ASAP2: variants seen among roughly 807,000 people sequenced by gnomAD.
ASAP2 encodes ArfGAP with SH3 domain, ankyrin repeat and PH domain 2.
A neutral mutation model predicts 131.4 loss-of-function variants in ASAP2; 45 were observed. The observed-to-expected ratio is 0.34, with a 90% CI of 0.27 to 0.44. ASAP2 has a LOEUF of 0.44. Among genes scored for constraint, ASAP2 ranks in the 20% least tolerant of loss-of-function variants. The probability of loss-of-function intolerance (pLI) is 1.00; values close to 1 mark genes in which losing one functional copy is unlikely to be tolerated. For synonymous variants in ASAP2, 510 were observed against 503.0 expected, an observed-to-expected ratio of 1.01 and a Z score of -0.19; for missense variants, 1,011 against 1,297.0, an observed-to-expected ratio of 0.78 and a Z score of 3.39.
At chr2:9,242,483 G>A (rs958359077) in intron 1 of ASAP2, among the ~76,000 whole-genome samples, 1 of 152,268 alleles carries the variant, frequency 6.6e-6, no homozygotes, top group Non-Finnish European at 1.5e-5. Context: ...TACTCTAGCT[G>A]CTGTGTCTAG....
intron 2 of ASAP2, among the ~76,000 whole-genome samples, chr2:9,284,508 C>A (rs1667341672): frequency 6.6e-6 from 1 of 152,158 alleles, no homozygotes; most frequent in South Asian, 2.1e-4. Flanking sequence ...ACTCAAAAAG[C>A]CTGTGACATT....
At chr2:9,241,463 G>A (rs1325668604) in intron 1 of ASAP2, among the ~76,000 whole-genome samples, 1 of 152,170 alleles carries the variant, frequency 6.6e-6, no homozygotes, top group East Asian at 1.9e-4. Context: ...AACTGGCTGG[G>A]TGTGGTGGCT....
chr2:9,392,210 A>G lies in ASAP2; in HGVS notation c.2518+1014A>G, dbSNP rs1675784264. On this transcript the variant is annotated intron_variant, in intron 23 of 27. Transcript: ENST00000281419. This position sits in a 1 kb window ranked among gnomAD's most constrained non-coding sequence, Gnocchi z 4.0. ...TTGAAAGTCCTGAAAACCTTGGGTA[A>G]AGAAGCGGGAGGAGGTTTTTAGGAA... Among the ~76,000 whole-genome samples the G allele has an allele frequency of 6.6e-6, 1 of 152,180 alleles. No homozygotes were observed. Among genetic ancestry groups the G allele is most frequent in the Admixed American group, 6.5e-5 (1 of 15,282 alleles).
intron 7 of ASAP2, among the ~76,000 whole-genome samples, chr2:9,332,358 T>C (rs1046644123): frequency 1.1e-4 from 16 of 152,190 alleles, no homozygotes; most frequent in Non-Finnish European, 1.5e-5. Context: ...AAGGGGCGTC[T>C]GGGTGCCAAG....
chr2:9,258,338 T>TG lies in ASAP2; in HGVS notation c.127-20979_127-20978insG, dbSNP rs1242911882. Reference sequence around the variant, plus strand: ...GTATTGATAGTAATCAGTAGTTGTTTTTTTTTTTTTTTTTTGAGACTTTTG... The same window carrying TG: ...GTATTGATAGTAATCAGTAGTTGTTTGTTTTTTTTTTTTTTTGAGACTTTTG... On this transcript the variant is annotated intron_variant, in intron 1 of 27. Transcript: ENST00000281419. 8.6e-5 allele frequency among the ~76,000 whole-genome samples: 13 copies of TG among 151,032 alleles called. 1 individual carries two copies. Among genetic ancestry groups the TG allele is most frequent in the African/African-American group, 2.9e-4 (12 of 41,190 alleles).
chr2:9,315,893 G>T (rs1159526563), intron 3 of ASAP2, among the ~76,000 whole-genome samples: 1 of 152,124 alleles, frequency 6.6e-6, no homozygotes, highest in Admixed American at 6.5e-5. Context: ...TAATCCTAGG[G>T]CAAAAGTTCC....
chr2:9,286,233 C>CA (rs1344258165), intron 2 of ASAP2, among the ~76,000 whole-genome samples: 1 of 151,698 alleles, frequency 6.6e-6, no homozygotes, highest in African/African-American at 2.4e-5. Flanking sequence ...CCTGCCTCTA[C>CA]AAAAAAATAC....
intron 15 of ASAP2, among the ~76,000 whole-genome samples, chr2:9,366,569 A>C (rs187499798): frequency 2.6e-5 from 4 of 152,148 alleles, no homozygotes; most frequent in African/African-American, 9.7e-5. Context: ...TTCCTGGTGC[A>C]TAGGTACCTG....
At position 9,356,183 on chromosome 2, in the gene ASAP2, A is replaced by T. The variant is rs1672688834; in HGVS notation, c.1165A>T (p.Met389Leu). The change falls in exon 14 of 28, where the codon ATG (methionine) becomes TTG (leucine). Residue 389 changes from methionine (M) to leucine (L), a missense_variant. Physicochemically the swap from Met to Leu is conservative, Grantham distance 15. Around this residue, in one of 2 missense-constraint regions of ASAP2, gnomAD observed 359 missense variants for 598.1 expected, o/e 0.60. Coordinates refer to ENST00000281419, the MANE Select transcript of ASAP2 (RefSeq NM_003887.3). ...AEDEQECQIWMSVLQNSKEEA... is the reference protein window; with the variant it reads ...AEDEQECQIWLSVLQNSKEEA... ...GCGTTGCTCTTGTTTTTCTAGATGG[A>T]TGTCTGTGCTGCAAAATAGCAAAGA... 1 of 1,614,040 alleles carries T rather than the reference A, an allele frequency of 6.2e-7. No individual in the cohort carries two copies. The highest frequency in any genetic ancestry group is 1.3e-5 in the African/African-American group (1 of 75,052).
chr2:9,368,369 T>C, intron 15 of ASAP2, 56 bp from the exon 16 acceptor site: 1 of 1,441,486 alleles, frequency 6.9e-7, no homozygotes. Context: ...GGGTAATGTG[T>C]AGCAGTAGAA....
chr2:9,395,757 A>G (rs1285979472), intron 24 of ASAP2, among the ~76,000 whole-genome samples: 3 of 150,004 alleles, frequency 2.0e-5, no homozygotes, highest in South Asian at 2.1e-4. Flanking sequence ...ACAGGTGCCC[A>G]CCACCACGCC....
At chr2:9,384,955 C>G (rs1218863755) in intron 20 of ASAP2, among the ~76,000 whole-genome samples, 2 of 152,250 alleles carry the variant, frequency 1.3e-5, no homozygotes, top group Non-Finnish European at 2.9e-5. Flanking sequence ...GAGGCCTTAA[C>G]ACTCCATGTT....
chr2:9,388,531 C>G lies in ASAP2; in HGVS notation c.2368C>G (p.Arg790Gly), dbSNP rs573529193. ...STTSAPPLPPRNVGKVQTASS... is the reference protein window; with the variant it reads ...STTSAPPLPPGNVGKVQTASS... ...CACCAGCGCCCCCCCGCTTCCTCCACGGAATGTTGGCAAAGGTATGAAGCT... is the reference window on the plus strand; with the variant it reads ...CACCAGCGCCCCCCCGCTTCCTCCAGGGAATGTTGGCAAAGGTATGAAGCT... Residue 790 changes from arginine (R) to glycine (G), a missense_variant, in exon 22 of 28, where the codon CGG (arginine) becomes GGG (glycine). Transcript: ENST00000281419. 6.2e-7 allele frequency: 1 copy of G among 1,613,036 alleles called. No homozygotes were observed. Among genetic ancestry groups the G allele is most frequent in the East Asian group, 2.2e-5 (1 of 44,862 alleles).
At chr2:9,320,266 A>G (rs1200053372) in intron 4 of ASAP2, 22 bp from the exon 5 acceptor site, 1 of 1,599,472 alleles carries the variant, frequency 6.3e-7, no homozygotes, top group Admixed American at 1.7e-5. Context: ...GTCTTGCCTA[A>G]TTTATTATTC....
intron 1 of ASAP2, among the ~76,000 whole-genome samples, chr2:9,260,263 G>A (rs141420711): frequency 3.9e-5 from 6 of 152,366 alleles, no homozygotes; most frequent in African/African-American, 1.4e-4. Context: ...TTCATCTGTA[G>A]CAGTGACTCC....
chr2:9,404,155 C>G lies in ASAP2; in HGVS notation c.*828C>G, dbSNP rs147109524. ...GAGTCACACAGAAAGCAACTGTACACAGTAGAATTCTGTGGCGCAGACCAT... is the reference window on the plus strand; with the variant it reads ...GAGTCACACAGAAAGCAACTGTACAGAGTAGAATTCTGTGGCGCAGACCAT... On this transcript the variant is annotated 3_prime_UTR_variant, in exon 28 of 28. Coordinates refer to ENST00000281419, the MANE Select transcript of ASAP2 (RefSeq NM_003887.3). 12 of 152,348 alleles carry G rather than the reference C, an allele frequency of 7.9e-5. No homozygotes were observed. Among genetic ancestry groups the G allele is most frequent in the Admixed American group, 4.6e-4 (7 of 15,300 alleles). The allele number at this position is 152,348 out of a possible 1,614,324, so 9.4% of individuals were successfully genotyped here.
At chr2:9,264,190 C>CAAAAAAAAA (rs113543532) in intron 1 of ASAP2, among the ~76,000 whole-genome samples, 48 of 123,442 alleles carry the variant, frequency 3.9e-4, no homozygotes, top group African/African-American at 6.4e-4. Context: ...GACCCTGTCT[C>CAAAAAAAAA]AAAAAAATAA....
intron 3 of ASAP2, among the ~76,000 whole-genome samples, chr2:9,317,361 TCA>T (rs1669795932): frequency 7.3e-6 from 1 of 137,078 alleles, no homozygotes; most frequent in African/African-American, 2.8e-5. Flanking sequence ...ACACAATCAT[TCA>T]CATTCACCCC....
intron 10 of ASAP2, 40 bp downstream of exon 10, chr2:9,344,675 G>C: frequency 1.2e-6 from 2 of 1,612,406 alleles, no homozygotes; most frequent in Non-Finnish European, 1.7e-6. Flanking sequence ...ATGTACGTTC[G>C]TTATCTTGTG....
Sources: gnomAD v4.1 joint callset for allele counts (sites outside exome capture counted in the v4.1 genomes callset) on GRCh38, gnomAD v4.1.1 for gene constraint, gnomAD v4.1.1 regional missense constraint, Gnocchi (gnomAD v3.1) non-coding constraint, MANE v1.5 for transcripts, NCBI Gene and HGNC (gene_info 2026-07-23, HGNC 2026-07-21) for gene names.